CDV3: variants seen among roughly 807,000 people sequenced by gnomAD.
CDV3 encodes the protein CDV3 homolog, also known as protein CDV3 homolog.
Under a neutral mutation model 24.5 loss-of-function variants are expected in CDV3, and 14 were observed. The ratio of observed to expected loss-of-function variants is 0.57; its 90% CI spans 0.38 to 0.89. The LOEUF (loss-of-function observed/expected upper bound fraction) is 0.89. CDV3 is among the 40% of genes least tolerant of loss of function. CDV3 has a pLI of 0.00. For synonymous variants in CDV3, 114 were observed against 114.1 expected, an observed-to-expected ratio of 1.00 and a Z score of 0.00; for missense variants, 304 against 310.2, an observed-to-expected ratio of 0.98 and a Z score of 0.15.
intron 2 of CDV3, among the ~76,000 whole-genome samples, chr3:133,583,267 C>T (rs1266967012): frequency 6.6e-6 from 1 of 152,186 alleles, no homozygotes; most frequent in Non-Finnish European, 1.5e-5. Flanking sequence ...AATGTGAATT[C>T]TAATTCTGAG....
intron 4 of CDV3, 163 bp from the exon 5 acceptor site, chr3:133,587,733 T>C (rs1933763358): frequency 7.1e-7 from 1 of 1,407,068 alleles, no homozygotes; most frequent in South Asian, 1.8e-5. Context: ...TCTGTTTGAA[T>C]TGAAGCCTTA....
At chr3:133,576,034 T>C (rs183897232) in intron 2 of CDV3, among the ~76,000 whole-genome samples, 4 of 152,374 alleles carry the variant, frequency 2.6e-5, no homozygotes, top group East Asian at 3.9e-4. Flanking sequence ...GGAAATACTT[T>C]CCTTAACTGA....
At position 133,584,220 on chromosome 3, in the gene CDV3, A is replaced by G. The variant is rs890651624; in HGVS notation, c.466+70A>G. 4.3e-6 allele frequency: 5 copies of G among 1,160,594 alleles called. No individual in the cohort carries two copies. In the African/African-American group the frequency reaches 6.2e-5, roughly 14 times the overall value. The allele number at this position is 1,160,594 out of a possible 1,614,324, so 71.9% of individuals were successfully genotyped here. A position where few individuals can be genotyped will look rare whatever the true frequency, so the allele number is the denominator to read the frequency against. On this transcript the variant is annotated intron_variant, in intron 3 of 4. Coordinates refer to ENST00000264993, the MANE Select transcript of CDV3 (RefSeq NM_017548.5). ...TGATTTTATATATGGTCCACTTTCA[A>G]CTAAGTGCATGATTGTGGTAGGGTG...
intron 2 of CDV3, 49 bp downstream of exon 2, chr3:133,575,164 G>A: frequency 1.0e-6 from 1 of 1,003,846 alleles, no homozygotes; most frequent in Admixed American, 1.8e-5. Flanking sequence ...GATAGATATT[G>A]GATACAAGTT....
chr3:133,583,859 G>A, intron 2 of CDV3, 143 bp from the exon 3 acceptor site: 2 of 623,580 alleles, frequency 3.2e-6, no homozygotes, highest in Non-Finnish European at 2.8e-6. Flanking sequence ...ACTGTACCTG[G>A]CCTCACTTTT....
chr3:133,585,657 G>A (rs148188082), intron 3 of CDV3, among the ~76,000 whole-genome samples: 1,892 of 151,980 alleles, frequency 0.012, 46 homozygotes, highest in African/African-American at 0.042. Flanking sequence ...ACCATGCCCC[G>A]CTACATCTTT....
At chr3:133,574,396 C>A (rs933767363) in intron 1 of CDV3, 112 bp downstream of exon 1, 2 of 950,658 alleles carry the variant, frequency 2.1e-6, no homozygotes, top group African/African-American at 3.5e-5. Flanking sequence ...GCCGGGCGGA[C>A]GGGCGCGGGC....
intron 4 of CDV3, chr3:133,587,438 C>T (rs1415291206): frequency 2.2e-5 from 26 of 1,163,788 alleles, no homozygotes; most frequent in Admixed American, 4.4e-5. Flanking sequence ...TGATTCACCA[C>T]ACTCGAGTTT....
intron 2 of CDV3, among the ~76,000 whole-genome samples, chr3:133,575,338 C>G (rs1166767959): frequency 6.6e-6 from 1 of 152,232 alleles, no homozygotes; most frequent in Non-Finnish European, 1.5e-5. Context: ...GAGAGCTTGC[C>G]TACTTCCAGT....
At chr3:133,584,958 G>T (rs962973770) in intron 3 of CDV3, among the ~76,000 whole-genome samples, 5 of 152,172 alleles carry the variant, frequency 3.3e-5, no homozygotes, top group African/African-American at 1.2e-4. Flanking sequence ...CTTTAAAGAA[G>T]TGTATACTCA....
chr3:133,585,184 G>A (rs763339026), intron 3 of CDV3, among the ~76,000 whole-genome samples: 1 of 151,920 alleles, frequency 6.6e-6, no homozygotes, highest in East Asian at 1.9e-4. Context: ...AGCCTTCCAA[G>A]TAGACTACCG....
intron 2 of CDV3, among the ~76,000 whole-genome samples, chr3:133,576,563 C>T (rs1043767514): frequency 1.3e-5 from 2 of 151,938 alleles, no homozygotes; most frequent in African/African-American, 4.8e-5. Context: ...CAAAATAGCA[C>T]TTTTCTGAAG....
chr3:133,584,976 A>G (rs1933435783), intron 3 of CDV3, among the ~76,000 whole-genome samples: 1 of 152,224 alleles, frequency 6.6e-6, no homozygotes, highest in African/African-American at 2.4e-5. Flanking sequence ...TCATTATTTT[A>G]TTTAGAATGT....
chr3:133,587,725 T>C, intron 4 of CDV3, 171 bp from the exon 5 acceptor site: 2 of 1,400,040 alleles, frequency 1.4e-6, no homozygotes, highest in Non-Finnish European at 1.9e-6. Flanking sequence ...CTGTGTTTTC[T>C]GTTTGAATTG....
chr3:133,581,518 A>G (rs968310818), intron 2 of CDV3, among the ~76,000 whole-genome samples: 2 of 152,192 alleles, frequency 1.3e-5, no homozygotes, highest in African/African-American at 2.4e-5. Context: ...AGTCTCTTCT[A>G]TTTAGGGATA....
intron 2 of CDV3, among the ~76,000 whole-genome samples, chr3:133,580,662 AT>A (rs1259228228): frequency 6.6e-6 from 1 of 152,108 alleles, no homozygotes; most frequent in Non-Finnish European, 1.5e-5. Flanking sequence ...AGATCAGGCC[AT>A]TGCACTCCAG....
chr3:133,585,159 T>TGATC (rs962635160), intron 3 of CDV3, among the ~76,000 whole-genome samples: 1 of 151,666 alleles, frequency 6.6e-6, no homozygotes, highest in African/African-American at 2.4e-5. Context: ...TGGGCTCAAG[T>TGATC]GATCCTCCCA....
At chr3:133,574,558 G>T in intron 1 of CDV3, 1 of 986,174 alleles carries the variant, frequency 1.0e-6, no homozygotes. Flanking sequence ...CTAGGTCTGG[G>T]GCCGCAGTGC....
At chr3:133,577,364 CT>C (rs59003310) in intron 2 of CDV3, among the ~76,000 whole-genome samples, 51,323 of 142,244 alleles carry the variant, frequency 0.36, 12,091 homozygotes, top group African/African-American at 0.69. Flanking sequence ...GTCTTTTTTT[CT>C]TTTTTTTTTT....
Sources: allele counts gnomAD v4.1 joint callset (sites outside exome capture counted in the v4.1 genomes callset), GRCh38; gene constraint gnomAD v4.1.1; transcripts MANE v1.5; gene names NCBI Gene and HGNC (gene_info 2026-07-23, HGNC 2026-07-21).